TBC1D5: variants seen among roughly 807,000 people sequenced by gnomAD.
TBC1D5 encodes TBC1 domain family, member 5.
TBC1D5 carries 75 observed loss-of-function variants against 100.3 expected under a neutral mutation model. The observed-to-expected ratio is 0.75, with a 90% CI of 0.62 to 0.91. TBC1D5 has a LOEUF of 0.91. Ranked by LOEUF, TBC1D5 falls within the 40% of genes least tolerant of loss-of-function variation. The probability of loss-of-function intolerance (pLI) is 0.00; values close to 1 mark genes in which losing one functional copy is unlikely to be tolerated. For missense variants in TBC1D5, 910 were observed against 942.4 expected, an observed-to-expected ratio of 0.97 and a Z score of 0.45; for synonymous variants, 323 against 325.6, an observed-to-expected ratio of 0.99 and a Z score of 0.09.
chr3:17,716,164 G>C (rs1004627857), intron 1 of TBC1D5, among the ~76,000 whole-genome samples: 2 of 152,136 alleles, frequency 1.3e-5, no homozygotes, highest in African/African-American at 4.8e-5. Context: ...CAACACCATT[G>C]AGAGTTTATG....
chr3:17,203,350 T>C (rs1356891612), intron 18 of TBC1D5, among the ~76,000 whole-genome samples: 1 of 152,208 alleles, frequency 6.6e-6, no homozygotes, highest in Admixed American at 6.5e-5. Context: ...TAACTAGTTT[T>C]TAATTTTACA....
At chr3:17,322,036 T>C (rs763186200) in intron 13 of TBC1D5, among the ~76,000 whole-genome samples, 1 of 152,228 alleles carries the variant, frequency 6.6e-6, no homozygotes, top group African/African-American at 2.4e-5. Context: ...TCCTATGTAT[T>C]TCTCCTTATA....
intron 18 of TBC1D5, among the ~76,000 whole-genome samples, chr3:17,198,158 T>C (rs1466806094): frequency 6.6e-6 from 1 of 152,232 alleles, no homozygotes; most frequent in African/African-American, 2.4e-5. Context: ...GACATCATGG[T>C]ATCACTCAGT....
At chr3:17,723,890 C>G (rs2075893049) in intron 1 of TBC1D5, among the ~76,000 whole-genome samples, 1 of 151,958 alleles carries the variant, frequency 6.6e-6, no homozygotes, top group Non-Finnish European at 1.5e-5. Flanking sequence ...CTACACTGTT[C>G]AAGGGTCAAC....
At chr3:17,275,789 G>A (rs1015699754) in intron 15 of TBC1D5, among the ~76,000 whole-genome samples, 14 of 152,140 alleles carry the variant, frequency 9.2e-5, no homozygotes, top group African/African-American at 2.9e-4. Flanking sequence ...AGTAGGTAAT[G>A]GACTGTGTAA....
intron 9 of TBC1D5, among the ~76,000 whole-genome samples, chr3:17,379,645 A>C (rs2092852714): frequency 6.6e-6 from 1 of 152,084 alleles, no homozygotes; most frequent in Admixed American, 6.6e-5. Context: ...ATAGTCCCTC[A>C]TTATGTGCAG....
At chr3:17,450,808 A>C (rs1336543245) in intron 3 of TBC1D5, among the ~76,000 whole-genome samples, 5 of 152,218 alleles carry the variant, frequency 3.3e-5, no homozygotes, top group Non-Finnish European at 7.3e-5. Context: ...TGGAAAATAC[A>C]CTTCAGGATA....
intron 8 of TBC1D5, among the ~76,000 whole-genome samples, chr3:17,395,485 T>G (rs2093477597): frequency 6.6e-6 from 1 of 152,178 alleles, no homozygotes; most frequent in South Asian, 2.1e-4. Context: ...CTAAATCTGC[T>G]GAAATGTTCT....
chr3:17,374,885 C>T (rs981595543), intron 10 of TBC1D5, among the ~76,000 whole-genome samples: 1 of 152,120 alleles, frequency 6.6e-6, no homozygotes, highest in African/African-American at 2.4e-5. Context: ...TTGTCTATGC[C>T]TCTATGCGAC....
intron 4 of TBC1D5, among the ~76,000 whole-genome samples, chr3:17,411,823 T>C (rs948730452): frequency 1.3e-5 from 2 of 152,154 alleles, no homozygotes; most frequent in Non-Finnish European, 2.9e-5. Context: ...GGCATGTGAA[T>C]TGGAAACATT....
intron 19 of TBC1D5, among the ~76,000 whole-genome samples, chr3:17,182,582 T>A (rs1474304555): frequency 6.6e-6 from 1 of 152,198 alleles, no homozygotes; most frequent in East Asian, 1.9e-4. Flanking sequence ...CAGTAAATCT[T>A]TCTCCCCATC....
chr3:17,243,167 G>A (rs1308717904), intron 16 of TBC1D5, among the ~76,000 whole-genome samples: 4 of 152,084 alleles, frequency 2.6e-5, no homozygotes, highest in African/African-American at 4.8e-5. Flanking sequence ...AATGAGTTGT[G>A]TAACCATGAG....
At chr3:17,404,576 T>TGG in intron 7 of TBC1D5, 118 bp downstream of exon 7, 1 of 866,966 alleles carries the variant, frequency 1.2e-6, no homozygotes, top group Non-Finnish European at 1.8e-6. Flanking sequence ...GTACTGTATG[T>TGG]GGAATAAAGA....
chr3:17,698,809 GC>G lies in TBC1D5; in HGVS notation c.-101+40533del, dbSNP rs1315515964. On this transcript the variant is annotated intron_variant, in intron 1 of 21. Coordinates refer to ENST00000253692, the Ensembl canonical transcript of TBC1D5. Reference sequence around the variant, plus strand: ...CATGAAAAAATGCTCATCATCACTGGCCATCAGAGAAATGCAAATCAAAACC... The same window carrying G: ...CATGAAAAAATGCTCATCATCACTGGCATCAGAGAAATGCAAATCAAAACC... Among the ~76,000 whole-genome samples the G allele has an allele frequency of 3.2e-3, 476 of 147,636 alleles. 2 individuals carry two copies. Among genetic ancestry groups the G allele is most frequent in the African/African-American group, 0.011 (450 of 40,164 alleles).
chr3:17,297,571 TAAA>T (rs35418915), intron 14 of TBC1D5, among the ~76,000 whole-genome samples: 1 of 137,282 alleles, frequency 7.3e-6, no homozygotes, highest in African/African-American at 2.7e-5. Context: ...GCGAGACTCC[TAAA>T]AAAAAAAAAA....
intron 9 of TBC1D5, among the ~76,000 whole-genome samples, chr3:17,379,501 C>T (rs1048535234): frequency 2.0e-5 from 3 of 151,984 alleles, no homozygotes; most frequent in African/African-American, 7.2e-5. Context: ...TCACGTATTG[C>T]AAAAACTATT....
At chr3:17,489,048 C>T (rs1224804447) in intron 3 of TBC1D5, among the ~76,000 whole-genome samples, 2 of 151,630 alleles carry the variant, frequency 1.3e-5, no homozygotes, top group East Asian at 1.9e-4. Context: ...TCCATAAAGC[C>T]AGTCCCTGGT....
chr3:17,233,268 C>CA (rs533847362), intron 17 of TBC1D5, among the ~76,000 whole-genome samples: 69 of 152,188 alleles, frequency 4.5e-4, no homozygotes, highest in Middle Eastern at 3.4e-3. Flanking sequence ...TTATTTCAGG[C>CA]AAAATGTAAG....
intron 2 of TBC1D5, chr3:17,562,015 ATACC>A (rs2096562316): frequency 6.6e-6 from 1 of 152,172 alleles, no homozygotes; most frequent in African/African-American, 2.4e-5. Context: ...ATGATGGCAC[ATACC>A]TGTAATCCCA....
Sources: gnomAD v4.1 joint callset for allele counts (sites outside exome capture counted in the v4.1 genomes callset) on GRCh38, gnomAD v4.1.1 for gene constraint, MANE v1.5 for transcripts, NCBI Gene and HGNC (gene_info 2026-07-23, HGNC 2026-07-21) for gene names.